The following FRMD5 variants were observed in gnomAD, a reference collection of about 807,000 sequenced individuals.
The protein encoded by FRMD5 is FERM domain containing 5.
FRMD5 carries 20 observed loss-of-function variants against 69.0 expected under a neutral mutation model. That is an observed-to-expected ratio of 0.29 (90% CI 0.20 to 0.42). The LOEUF is 0.42. Among genes scored for constraint, FRMD5 ranks in the 10% least tolerant of loss-of-function variants. The pLI is 1.00. For missense variants in FRMD5, 595 were observed against 708.6 expected (o/e 0.84, Z 1.82); for synonymous variants, 271 against 260.1 (o/e 1.04, Z -0.40).
intron 1 of FRMD5, among the ~76,000 whole-genome samples, chr15:44,062,198 A>C (rs1893116573): frequency 6.6e-6 from 1 of 152,186 alleles, no homozygotes; most frequent in South Asian, 2.1e-4. Flanking sequence ...TGCAATAAAC[A>C]TTTTTGGCAG....
At chr15:44,027,231 A>G (rs1225015443) in intron 1 of FRMD5, among the ~76,000 whole-genome samples, 1 of 151,976 alleles carries the variant, frequency 6.6e-6, no homozygotes, top group Non-Finnish European at 1.5e-5. Flanking sequence ...TTAATTACTA[A>G]TTTTCACCTG....
chr15:44,114,007 G>A (rs961521311), intron 1 of FRMD5, among the ~76,000 whole-genome samples: 3 of 151,928 alleles, frequency 2.0e-5, no homozygotes, highest in Non-Finnish European at 2.9e-5. Context: ...ATAATGGATG[G>A]TATCTCTATC....
At chr15:44,152,095 A>G (rs1473311283) in intron 1 of FRMD5, among the ~76,000 whole-genome samples, 1 of 152,184 alleles carries the variant, frequency 6.6e-6, no homozygotes, top group African/African-American at 2.4e-5. Context: ...CTGTAGTCCC[A>G]GCTACTCAGG....
chr15:44,071,356 G>A (rs1014446838), intron 1 of FRMD5, among the ~76,000 whole-genome samples: 3 of 152,126 alleles, frequency 2.0e-5, no homozygotes, highest in Admixed American at 6.6e-5. Flanking sequence ...GATCCCAGGA[G>A]GTCAAGGATG....
chr15:44,188,676 T>C (rs1273976765), intron 1 of FRMD5, among the ~76,000 whole-genome samples: 1 of 152,180 alleles, frequency 6.6e-6, no homozygotes, highest in Non-Finnish European at 1.5e-5. Context: ...TCATTTTCCA[T>C]GCTTTGAGAG....
intron 7 of FRMD5, among the ~76,000 whole-genome samples, chr15:43,901,295 T>G (rs184051568): frequency 4.6e-5 from 7 of 152,372 alleles, no homozygotes; most frequent in African/African-American, 1.4e-4. Context: ...CCACCCAGTC[T>G]GTGATACTTG....
chr15:44,026,655 T>A (rs1195886790), intron 1 of FRMD5, among the ~76,000 whole-genome samples: 1 of 152,196 alleles, frequency 6.6e-6, no homozygotes, highest in African/African-American at 2.4e-5. Context: ...AACCCAAGGT[T>A]TGAGCATGAT....
intron 4 of FRMD5, among the ~76,000 whole-genome samples, chr15:43,914,723 C>CTTTGTTTTT (rs2089351108): frequency 9.1e-6 from 1 of 109,418 alleles, no homozygotes; most frequent in African/African-American, 5.4e-5. Context: ...AGGTGACTAC[C>CTTTGTTTTT]TTTTTTTTTT....
chr15:44,011,099 T>C (rs937750844), intron 1 of FRMD5, among the ~76,000 whole-genome samples: 14 of 151,286 alleles, frequency 9.3e-5, no homozygotes, highest in African/African-American at 3.1e-4. Context: ...TTCTGCTTGG[T>C]GGATTAAGGA....
intron 1 of FRMD5, among the ~76,000 whole-genome samples, chr15:43,951,999 TC>T (rs1342819406): frequency 1.1e-5 from 1 of 90,776 alleles, no homozygotes; most frequent in African/African-American, 8.8e-5. Flanking sequence ...TGTGTGTGTG[TC>T]TGTGTGTGTG....
chr15:43,909,144 C>T (rs1376788468), intron 5 of FRMD5, among the ~76,000 whole-genome samples: 1 of 152,004 alleles, frequency 6.6e-6, no homozygotes, highest in Non-Finnish European at 1.5e-5. Flanking sequence ...CCTGTAATAC[C>T]AGCACTTCGG....
intron 4 of FRMD5, among the ~76,000 whole-genome samples, chr15:43,911,578 C>A (rs1387214918): frequency 1.3e-5 from 2 of 152,214 alleles, no homozygotes; most frequent in Non-Finnish European, 2.9e-5. Context: ...TCGTGATTGA[C>A]CCTGAGCCAG....
intron 1 of FRMD5, among the ~76,000 whole-genome samples, chr15:44,058,424 G>C (rs1040196883): frequency 1.3e-5 from 2 of 152,146 alleles, no homozygotes; most frequent in African/African-American, 4.8e-5. Context: ...TTATATTGTG[G>C]TGATGGTTGT....
In FRMD5 at chr15:43,873,918, G is replaced by T; in HGVS notation, c.1680C>A (p.Ile560=). 6.2e-7 allele frequency: 1 copy of T among 1,614,148 alleles called. No individual in the cohort carries two copies. The highest frequency in any genetic ancestry group is 8.5e-7 in the Non-Finnish European group (1 of 1,180,024). The part of the protein sequence containing the change: ...CPLRRWFACK[I]RSVVSLLIDT ...CAATGAGCAGGCTCACCACTGAGCG[G>T]ATTTTGCAGGCAAACCATCGCCTGA... The change falls in exon 14 of 14, where the codon ATC becomes ATA. Residue 560 remains isoleucine, a synonymous_variant. Coordinates refer to ENST00000417257, the MANE Select transcript of FRMD5 (RefSeq NM_032892.5).
chr15:44,189,156 TAA>T (rs1308507908), intron 1 of FRMD5, among the ~76,000 whole-genome samples: 3 of 152,208 alleles, frequency 2.0e-5, no homozygotes, highest in Non-Finnish European at 4.4e-5. Flanking sequence ...AATTTGAACC[TAA>T]GAGTCTTTAC....
At chr15:44,076,016 GT>G (rs902156220) in intron 1 of FRMD5, among the ~76,000 whole-genome samples, 1 of 151,982 alleles carries the variant, frequency 6.6e-6, no homozygotes, top group Non-Finnish European at 1.5e-5. Flanking sequence ...GGGGTTGTTT[GT>G]TTTTTTCTTG....
Position 44,027,604 on chromosome 15 carries a change from G to T in FRMD5, c.103-103295C>A, listed in dbSNP as rs116329837. On this transcript the variant is annotated intron_variant, in intron 1 of 13. Transcript: ENST00000417257. ...ACTTTCACGGCAGAAGGAATAAAGA[G>T]GGCTGGTGGAAACCTGTGCTGACTT... Among the ~76,000 whole-genome samples, 713 of 151,456 alleles carry T rather than the reference G, an allele frequency of 4.7e-3. 11 individuals are homozygous for T. The highest frequency in any genetic ancestry group is 0.017 in the African/African-American group (683 of 41,346).
intron 6 of FRMD5, among the ~76,000 whole-genome samples, chr15:43,903,979 A>G (rs748016079): frequency 2.6e-5 from 4 of 152,114 alleles, no homozygotes; most frequent in Non-Finnish European, 4.4e-5. Flanking sequence ...GCTATTCCCT[A>G]ACAGAGTGAC....
chr15:44,058,273 T>C (rs1035620668), intron 1 of FRMD5, among the ~76,000 whole-genome samples: 1 of 152,146 alleles, frequency 6.6e-6, no homozygotes, highest in African/African-American at 2.4e-5. Context: ...ATAATTATGT[T>C]TATATGAAAT....
Sources: allele counts gnomAD v4.1 joint callset (sites outside exome capture counted in the v4.1 genomes callset), GRCh38; gene constraint gnomAD v4.1.1; transcripts MANE v1.5; gene names NCBI Gene and HGNC (gene_info 2026-07-23, HGNC 2026-07-21).